ISOC2: variants seen among roughly 807,000 people sequenced by gnomAD.
The protein encoded by ISOC2 is isochorismatase domain-containing protein 2.
Under a neutral mutation model 19.3 loss-of-function variants are expected in ISOC2, and 15 were observed. The ratio of observed to expected loss-of-function variants is 0.78; its 90% CI spans 0.52 to 1.20. The LOEUF (loss-of-function observed/expected upper bound fraction) is 1.20, where lower values mean the gene tolerates loss of function less well. ISOC2 is among the 50% of genes most tolerant of loss of function. ISOC2 has a pLI of 0.00. For synonymous variants in ISOC2, 106 were observed against 115.8 expected (o/e 0.92, Z 0.54); for missense variants, 285 against 272.4 (o/e 1.05, Z -0.33).
chr19:55,453,495 T>A, intron 5 of ISOC2, 107 bp from the exon 6 acceptor site: 2 of 735,320 alleles, frequency 2.7e-6, no homozygotes, highest in Non-Finnish European at 4.2e-6. Flanking sequence ...ACCTTCTGGC[T>A]AGCAGCTGCC....
At chr19:55,454,869 T>A in intron 5 of ISOC2, 120 bp downstream of exon 5, 3 of 757,352 alleles carry the variant, frequency 4.0e-6, no homozygotes, top group Non-Finnish European at 7.0e-6. Flanking sequence ...CAGCCTCCCC[T>A]CCAAGAACCT....
At chr19:55,459,695 C>A (rs1986175024) in intron 1 of ISOC2, 2 of 152,234 alleles carry the variant, frequency 1.3e-5, no homozygotes, top group African/African-American at 4.8e-5. Context: ...GCGGTTTCCT[C>A]CCCATGGAGT....
intron 1 of ISOC2, among the ~76,000 whole-genome samples, chr19:55,461,272 G>A (rs1986231076): frequency 6.6e-6 from 1 of 152,202 alleles, no homozygotes; most frequent in Non-Finnish European, 1.5e-5. Context: ...CTTAGCCTCA[G>A]TTTTCTCGTC....
chr19:55,455,760 T>G lies in ISOC2; in HGVS notation c.224A>C (p.Glu75Ala). 1 of 1,589,140 alleles carries G rather than the reference T, an allele frequency of 6.3e-7. No individual in the cohort carries two copies. The highest frequency in any genetic ancestry group is 1.1e-5 in the South Asian group (1 of 87,552). Reference sequence around the variant, plus strand: ...GGTCTTGGCCAGCGGCCGAAGGCCCTCAGTCCCCAGCTCGGGCACCGTGGG... The same window carrying G: ...GGTCTTGGCCAGCGGCCGAAGGCCCGCAGTCCCCAGCTCGGGCACCGTGGG... ...LGPTVPELGT[E>A]GLRPLAKTCF... is the part of the protein sequence containing the mutation. The change falls in exon 3 of 6, where the codon GAG becomes GCG. Residue 75 changes from glutamate (E) to alanine (A), a missense_variant. Glu to Ala is a moderately radical substitution (Grantham distance 107). Coordinates refer to ENST00000425675, the MANE Select transcript of ISOC2 (RefSeq NM_001136201.2).
chr19:55,458,644 C>T (rs1234505630), intron 1 of ISOC2, among the ~76,000 whole-genome samples: 1 of 151,774 alleles, frequency 6.6e-6, no homozygotes, highest in African/African-American at 2.4e-5. Flanking sequence ...TCTCCTGCCT[C>T]AGTCTCCCAA....
At chr19:55,454,660 CCA>C (rs1985983710) in intron 5 of ISOC2, 2 of 350,848 alleles carry the variant, frequency 5.7e-6, no homozygotes, top group Admixed American at 4.2e-5. Context: ...CTGTTCTTCC[CCA>C]GTGTCCGCCT....
At chr19:55,455,585 TG>T in intron 3 of ISOC2, 50 bp downstream of exon 3, 2 of 1,438,410 alleles carry the variant, frequency 1.4e-6, no homozygotes, top group Non-Finnish European at 1.9e-6. Flanking sequence ...CTATTTAGGA[TG>T]GGGGTCCCAG....
rs3214450 is a variant in ISOC2 at position 55,453,179 on chromosome 19, G to GCCCC, written c.*125_*128dup. 1.9e-3 allele frequency: 1,007 copies of GCCCC among 539,636 alleles called. No homozygotes were observed. The highest frequency in any genetic ancestry group is 2.7e-3 in the Non-Finnish European group (820 of 309,324). The allele number at this position is 539,636 out of a possible 1,614,324, so 33.4% of individuals were successfully genotyped here. A position where few individuals can be genotyped will look rare whatever the true frequency, so the allele number is the denominator to read the frequency against. ...CTGTCCAATGGGAAGGCAGCACCCTGCCCCCCCCACAAGGGGGCGGCACTC... is the reference window on the plus strand; with the variant it reads ...CTGTCCAATGGGAAGGCAGCACCCTGCCCCCCCCCCCCACAAGGGGGCGGCACTC... On this transcript the variant is annotated 3_prime_UTR_variant, in exon 6 of 6. Coordinates refer to ENST00000425675, the MANE Select transcript of ISOC2 (RefSeq NM_001136201.2).
At chr19:55,459,156 C>T (rs574269145) in intron 1 of ISOC2, among the ~76,000 whole-genome samples, 6 of 151,970 alleles carry the variant, frequency 3.9e-5, no homozygotes, top group South Asian at 2.1e-4. Context: ...AGGCTGGTCT[C>T]GAACTCCTGG....
rs375030964 is a variant in ISOC2, at chr19:55,456,359, C to A, written c.128G>T (p.Arg43Leu). 4.3e-6 allele frequency: 7 copies of A among 1,613,596 alleles called. No homozygotes were observed. Among genetic ancestry groups the A allele is most frequent in the Non-Finnish European group, 4.2e-6 (5 of 1,179,730 alleles). Residue 43 changes from arginine to leucine, a missense_variant, in exon 2 of 6, where the codon CGC (arginine) becomes CTC (leucine). Arg to Leu is a moderately radical substitution (Grantham distance 102). Transcript: ENST00000425675. ...YFPQIVSVAA[R>L]MLKVARLLEV... ...GGGCTGAGGTCATACCTTGAGCATG[C>A]GGGCAGCCACTGAGACGATCTGTGG...
Position 55,453,022 on chromosome 19 carries a change from C to T in ISOC2, c.*286G>A. 1 of 348,514 alleles carries T rather than the reference C, an allele frequency of 2.9e-6. No individual in the cohort carries two copies. The highest frequency in any genetic ancestry group is 5.0e-5 in the Admixed American group (1 of 19,872). 21.6% of individuals were successfully genotyped at this position (348,514 alleles called of 1,614,324 possible). A position where few individuals can be genotyped will look rare whatever the true frequency, so the allele number is the denominator to read the frequency against. On this transcript the variant is annotated 3_prime_UTR_variant, in exon 6 of 6. Coordinates refer to ENST00000425675, the MANE Select transcript of ISOC2 (RefSeq NM_001136201.2). ...TATGTTTATTCTGCGAGTCCGTGTC[C>T]CACAGTCTGAGACTCTTCTTCCCCT...
chr19:55,453,413 C>A, intron 5 of ISOC2, 25 bp from the exon 6 acceptor site: 1 of 1,548,320 alleles, frequency 6.5e-7, no homozygotes, highest in Non-Finnish European at 8.8e-7. Flanking sequence ...GGCGATGGGT[C>A]AGGAAGCGTC....
rs11555782 is a variant in ISOC2, at chr19:55,455,771, C to G, written c.213G>C (p.Glu71Asp). Residue 71 changes from glutamate (E) to aspartate (D), a missense_variant, in exon 3 of 6, where the codon GAG (glutamate) becomes GAC (aspartate). Transcript: ENST00000425675. ...GCGGCCGAAGGCCCTCAGTCCCCAG[C>G]TCGGGCACCGTGGGGCCCAGGCCTT... ...YPQGLGPTVP[E>D]LGTEGLRPLA... 6.3e-7 allele frequency: 1 copy of G among 1,579,382 alleles called. No individual in the cohort carries two copies. Among genetic ancestry groups the G allele is most frequent in the African/African-American group, 1.3e-5 (1 of 74,522 alleles).
rs1290422709 is a variant in ISOC2, at chr19:55,455,713, G to T, written c.271C>A (p.Leu91Met). 1 of 1,611,400 alleles carries T rather than the reference G, an allele frequency of 6.2e-7. No individual in the cohort carries two copies. Among genetic ancestry groups the T allele is most frequent in the South Asian group, 1.1e-5 (1 of 90,520 alleles). ...AKTCFSMVPA[L>M]QQELDSRPQL... ...GGCCGACTGTCCAGCTCCTGCTGCA[G>T]GGCAGGCACCATGCTGAAGCAGGTC... is the stretch of plus-strand genomic sequence containing the variant. Residue 91 changes from leucine (L) to methionine (M), a missense_variant, in exon 3 of 6, where the codon CTG (leucine) becomes ATG (methionine). Coordinates refer to ENST00000425675, the MANE Select transcript of ISOC2 (RefSeq NM_001136201.2).
Position 55,455,371 on chromosome 19 carries a change from C to T in ISOC2, c.349-41G>A, listed in dbSNP as rs141927899. On this transcript the variant is annotated intron_variant, in intron 3 of 5. Coordinates refer to ENST00000425675, the MANE Select transcript of ISOC2 (RefSeq NM_001136201.2). Reference sequence around the variant, plus strand: ...GGTCAGGGCCAACCCCGGATAAGAACGGGGGTCCTGGGTAAGGAATTGGGG... The same window carrying T: ...GGTCAGGGCCAACCCCGGATAAGAATGGGGGTCCTGGGTAAGGAATTGGGG... The T allele has an allele frequency of 4.3e-5, 69 of 1,612,514 alleles. 1 individual carries two copies. The highest frequency in any genetic ancestry group is 4.1e-4 in the South Asian group (37 of 91,048).
chr19:55,455,650 G>C lies in ISOC2; in HGVS notation c.334C>G (p.Gln112Glu). The C allele has an allele frequency of 6.3e-7, 1 of 1,597,186 alleles. No homozygotes were observed. The highest frequency in any genetic ancestry group is 8.6e-7 in the Non-Finnish European group (1 of 1,168,608). ...CAGCATCTCACCAAGATGCAGGCCTGTGCCTCAATGCCACAGAGCAGCACA... is the reference window on the plus strand; with the variant it reads ...CAGCATCTCACCAAGATGCAGGCCTCTGCCTCAATGCCACAGAGCAGCACA... The part of the protein sequence containing the change: ...RSVLLCGIEA[Q>E]ACILNTTLDL... The change falls in exon 3 of 6, where the codon CAG becomes GAG. Residue 112 changes from glutamine to glutamate, a missense_variant. Transcript: ENST00000425675.
chr19:55,454,907 G>C, intron 5 of ISOC2, 82 bp downstream of exon 5: 1 of 1,056,182 alleles, frequency 9.5e-7, no homozygotes, highest in Admixed American at 1.7e-5. Flanking sequence ...GCAGCCTGCT[G>C]GTGCCGAGAT....
In ISOC2 at chr19:55,453,375, A is replaced by C; in HGVS notation, c.551T>G (p.Ile184Ser). ...HPQFKEIQKL[I>S]KEPAPDSGLL... is the part of the protein sequence containing the mutation. ...TCCGCTGTCTGGGGCGGGCTCCTTGATGAGTTTCTGGATCTGTAAGGGCAG... is the reference window on the plus strand; with the variant it reads ...TCCGCTGTCTGGGGCGGGCTCCTTGCTGAGTTTCTGGATCTGTAAGGGCAG... Residue 184 changes from isoleucine (I) to serine (S), a missense_variant, in exon 6 of 6, where the codon ATC becomes AGC. Transcript: ENST00000425675. 6.2e-7 allele frequency: 1 copy of C among 1,604,610 alleles called. No homozygotes were observed. Among genetic ancestry groups the C allele is most frequent in the Non-Finnish European group, 8.5e-7 (1 of 1,175,948 alleles).
At chr19:55,458,457 T>C (rs564672783) in intron 1 of ISOC2, among the ~76,000 whole-genome samples, 14 of 152,222 alleles carry the variant, frequency 9.2e-5, no homozygotes, top group Admixed American at 2.6e-4. Flanking sequence ...TGGAGGCTCA[T>C]TGGAGGCAAG....
Sources: allele counts gnomAD v4.1 joint callset (sites outside exome capture counted in the v4.1 genomes callset), GRCh38; gene constraint gnomAD v4.1.1; transcripts MANE v1.5; gene names NCBI Gene and HGNC (gene_info 2026-07-23, HGNC 2026-07-21).